The following ALB variants were observed in gnomAD, a reference collection of about 807,000 sequenced individuals.
The protein encoded by ALB is albumin.
A neutral mutation model predicts 74.5 loss-of-function variants in ALB; 37 were observed. The observed-to-expected ratio is 0.50, with a 90% CI of 0.38 to 0.65. The LOEUF is 0.65. Among genes scored for constraint, ALB ranks in the 30% least tolerant of loss-of-function variants. ALB has a pLI of 0.00. For synonymous variants in ALB, 249 were observed against 251.6 expected, an observed-to-expected ratio of 0.99 and a Z score of 0.10; for missense variants, 685 against 718.7, an observed-to-expected ratio of 0.95 and a Z score of 0.54.
rs1282048972 is a variant in ALB, at chr4:73,413,402, C to T, written c.844-18C>T. The T allele has an allele frequency of 2.5e-6, 4 of 1,603,158 alleles. No individual in the cohort carries two copies. Among genetic ancestry groups the T allele is most frequent in the East Asian group, 2.2e-5 (1 of 44,818 alleles). On this transcript the variant is annotated intron_variant, in intron 7 of 14. Coordinates refer to ENST00000295897, the MANE Select transcript of ALB (RefSeq NM_000477.7). ...AATGTCAATTCGTGTTGAACAATTT[C>T]CACCAACTTACTTATAGGCGGACCT...
intron 2 of ALB, among the ~76,000 whole-genome samples, chr4:73,405,374 A>G (rs1052552937): frequency 6.6e-6 from 1 of 152,352 alleles, no homozygotes; most frequent in East Asian, 1.9e-4. Flanking sequence ...GAGTACTTCA[A>G]ATATGACAAG....
intron 6 of ALB, among the ~76,000 whole-genome samples, chr4:73,411,233 A>C (rs899103064): frequency 1.6e-5 from 2 of 122,728 alleles, no homozygotes; most frequent in African/African-American, 3.1e-5. Flanking sequence ...AAATCAACCA[A>C]ATTTATGAAA....
intron 1 of ALB, chr4:73,404,850 A>T (rs1460818279): frequency 2.3e-6 from 1 of 436,132 alleles, no homozygotes; most frequent in African/African-American, 2.0e-5. Context: ...ACACTAAAAG[A>T]GTATTAGATA....
intron 10 of ALB, 46 bp from the exon 11 acceptor site, chr4:73,417,485 A>G: frequency 6.2e-7 from 1 of 1,610,068 alleles, no homozygotes; most frequent in Admixed American, 1.7e-5. Context: ...CTACTATGTT[A>G]GACAGTTTCT....
Position 73,420,279 on chromosome 4 carries a change from A to T in ALB, c.1811A>T (p.Gln604Leu). The change falls in exon 14 of 15, where the codon CAA becomes CTA. Residue 604 changes from glutamine (Q) to leucine (L), a missense_variant. Gln to Leu is a moderately radical substitution (Grantham distance 113). Transcript: ENST00000295897. The stretch of plus-strand genomic sequence containing the variant: ...GGTAAAAAACTTGTTGCTGCAAGTC[A>T]AGCTGCCTTAGGCTTATAACATCAC... ...EEGKKLVAAS[Q>L]AALGL The T allele has an allele frequency of 6.2e-7, 1 of 1,613,200 alleles. No individual in the cohort carries two copies. The highest frequency in any genetic ancestry group is 2.2e-5 in the East Asian group (1 of 44,818).
intron 2 of ALB, 62 bp from the exon 3 acceptor site, chr4:73,406,567 G>T: frequency 9.8e-6 from 15 of 1,523,194 alleles, no homozygotes; most frequent in Non-Finnish European, 1.4e-5. Context: ...GTTCTCTAGC[G>T]TAGCAACCTG....
rs766105772 is a variant in ALB, at chr4:73,408,605, T to C, written c.282T>C (p.Phe94=). The change falls in exon 4 of 15, where the codon TTT becomes TTC. Residue 94 remains phenylalanine, a synonymous_variant. Transcript: ENST00000295897. ...TTTCTTCCATTTAGCATACCCTTTTTGGAGACAAATTATGCACAGTTGCAA... is the reference window on the plus strand; with the variant it reads ...TTTCTTCCATTTAGCATACCCTTTTCGGAGACAAATTATGCACAGTTGCAA... ...ENCDKSLHTL[F]GDKLCTVATL... 3.1e-6 allele frequency: 5 copies of C among 1,613,962 alleles called. No homozygotes were observed. In the Admixed American group the frequency reaches 5.0e-5, roughly 16 times the overall value.
chr4:73,406,835 T>A (rs1308155745), intron 3 of ALB, 74 bp downstream of exon 3: 2 of 1,564,998 alleles, frequency 1.3e-6, no homozygotes, highest in Non-Finnish European at 1.7e-6. Context: ...GAATTTTTTT[T>A]AAGTTTTCTC....
intron 3 of ALB, among the ~76,000 whole-genome samples, chr4:73,407,219 C>T (rs1718755234): frequency 6.6e-6 from 1 of 152,106 alleles, no homozygotes; most frequent in African/African-American, 2.4e-5. Flanking sequence ...GCTTACTCAT[C>T]TTGCTGTATT....
At position 73,419,561 on chromosome 4, in the gene ALB, A is replaced by C; in HGVS notation, c.1707A>C (p.Lys569Asn). ...HKPKATKEQLKAVMDDFAAFV... is the reference protein window; with the variant it reads ...HKPKATKEQLNAVMDDFAAFV... Reference sequence around the variant, plus strand: ...CCAAGGCAACAAAAGAGCAACTGAAAGCTGTTATGGATGATTTCGCAGCTT... The same window carrying C: ...CCAAGGCAACAAAAGAGCAACTGAACGCTGTTATGGATGATTTCGCAGCTT... Residue 569 changes from lysine to asparagine, a missense_variant, in exon 13 of 15, where the codon AAA becomes AAC. Transcript: ENST00000295897. The C allele has an allele frequency of 6.2e-7, 1 of 1,613,976 alleles. No homozygotes were observed. Among genetic ancestry groups the C allele is most frequent in the South Asian group, 1.1e-5 (1 of 91,082 alleles).
chr4:73,408,886 A>G (rs1177335677), intron 4 of ALB, 81 bp downstream of exon 4: 3 of 1,228,466 alleles, frequency 2.4e-6, no homozygotes, highest in Non-Finnish European at 3.4e-6. Context: ...AAATTACCAT[A>G]ACAAAAATAT....
In ALB at chr4:73,419,525, G is replaced by A. The variant is rs1381201686; in HGVS notation, c.1671G>A (p.Val557=). 1 of 1,611,896 alleles carries A rather than the reference G, an allele frequency of 6.2e-7. No homozygotes were observed. The highest frequency in any genetic ancestry group is 1.7e-5 in the Admixed American group (1 of 59,820). ...AACTCAGTGCACTTGTTGAGCTCGTGAAACACAAGCCCAAGGCAACAAAAG... is the reference window on the plus strand; with the variant it reads ...AACTCAGTGCACTTGTTGAGCTCGTAAAACACAAGCCCAAGGCAACAAAAG... The part of the protein sequence containing the change: ...IKKQTALVEL[V]KHKPKATKEQ... The change falls in exon 13 of 15, where the codon GTG becomes GTA. Residue 557 remains valine, a synonymous_variant. Transcript: ENST00000295897.
chr4:73,405,600 T>TC (rs921185537), intron 2 of ALB, among the ~76,000 whole-genome samples: 1 of 152,072 alleles, frequency 6.6e-6, no homozygotes, highest in African/African-American at 2.4e-5. Flanking sequence ...TTAATTTTTT[T>TC]TTTTTTTTAA....
At chr4:73,414,518 C>G (rs531928072) in intron 8 of ALB, among the ~76,000 whole-genome samples, 1 of 152,272 alleles carries the variant, frequency 6.6e-6, no homozygotes, top group African/African-American at 2.4e-5. Context: ...GGCTGGAGTG[C>G]AATGGTGCCA....
chr4:73,412,000 G>A lies in ALB; in HGVS notation c.718G>A (p.Val240Ile), dbSNP rs1275559121. The A allele has an allele frequency of 1.9e-6, 3 of 1,614,138 alleles. No individual in the cohort carries two copies. Among genetic ancestry groups the A allele is most frequent in the Non-Finnish European group, 8.5e-7 (1 of 1,180,010 alleles). Residue 240 changes from valine to isoleucine, a missense_variant, in exon 7 of 15, where the codon GTA (valine) becomes ATA (isoleucine). Coordinates refer to ENST00000295897, the MANE Select transcript of ALB (RefSeq NM_000477.7). ...FGERAFKAWA[V>I]ARLSQRFPKA... ...GATTGGCGATTTTCTTTTTAGGGCA[G>A]TAGCTCGCCTGAGCCAGAGATTTCC... is the stretch of plus-strand genomic sequence containing the variant.
intron 3 of ALB, among the ~76,000 whole-genome samples, chr4:73,407,717 A>G (rs971582749): frequency 6.6e-6 from 1 of 152,226 alleles, no homozygotes; most frequent in Non-Finnish European, 1.5e-5. Flanking sequence ...GTATTTCTAC[A>G]TACAATAAAA....
intron 3 of ALB, 60 bp from the exon 4 acceptor site, chr4:73,408,534 C>A: frequency 1.4e-6 from 2 of 1,446,318 alleles, no homozygotes; most frequent in South Asian, 1.2e-5. Flanking sequence ...TTGTACTGTT[C>A]TTTGGCTATA....
intron 5 of ALB, among the ~76,000 whole-genome samples, 189 bp from the exon 6 acceptor site, chr4:73,410,123 C>T (rs1305389285): frequency 6.6e-6 from 1 of 152,062 alleles, no homozygotes; most frequent in Non-Finnish European, 1.5e-5. Flanking sequence ...TCCGCTGTGA[C>T]CAGAATGATC....
At chr4:73,418,583 A>G (rs1178481902) in intron 12 of ALB, among the ~76,000 whole-genome samples, 1 of 152,230 alleles carries the variant, frequency 6.6e-6, no homozygotes, top group African/African-American at 2.4e-5. Context: ...CAGTAGAAAA[A>G]GATGAACAAT....
Sources: allele counts gnomAD v4.1 joint callset (sites outside exome capture counted in the v4.1 genomes callset), GRCh38; gene constraint gnomAD v4.1.1; transcripts MANE v1.5; gene names NCBI Gene and HGNC (gene_info 2026-07-23, HGNC 2026-07-21).